The following ACMSD variants were observed in gnomAD, a reference collection of about 807,000 sequenced individuals.
The protein encoded by ACMSD is aminocarboxymuconate semialdehyde decarboxylase, also known as 2-amino-3-carboxymuconate-6-semialdehyde decarboxylase.
A neutral mutation model predicts 45.9 loss-of-function variants in ACMSD; 37 were observed. The ratio of observed to expected loss-of-function variants is 0.81; its 90% CI spans 0.62 to 1.06. The LOEUF is 1.06. ACMSD is among the 50% of genes least tolerant of loss of function. The pLI, the probability that ACMSD is intolerant of heterozygous loss-of-function variation, is 0.00. For missense variants in ACMSD, 434 were observed against 420.9 expected (o/e 1.03, Z -0.27); for synonymous variants, 138 against 148.8 (o/e 0.93, Z 0.53).
Position 134,898,403 on chromosome 2 carries a change from AAT to A in ACMSD, c.914_915del (p.Ile305ArgfsTer7), listed in dbSNP as rs766634613. 1.2e-6 allele frequency: 2 copies of A among 1,602,484 alleles called. No homozygotes were observed. The highest frequency in any genetic ancestry group is 1.1e-5 in the South Asian group (1 of 89,174). ...PLGELEPGKL[I>X]ESMEEFDEET... Reference sequence around the variant, plus strand: ...TAGGTGAGCTGGAACCTGGGAAACTAATAGAGTCCATGGAAGAATTTGATGAA... The same window carrying A: ...TAGGTGAGCTGGAACCTGGGAAACTAAGAGTCCATGGAAGAATTTGATGAA... On this transcript the variant is annotated frameshift_variant, in exon 9 of 10. Transcript: ENST00000356140. LOFTEE classifies it high-confidence loss of function.
chr2:134,877,105 A>C (rs183021816), intron 8 of ACMSD, among the ~76,000 whole-genome samples: 103 of 152,308 alleles, frequency 6.8e-4, no homozygotes, highest in Middle Eastern at 3.4e-3. Flanking sequence ...AGACTGGAAG[A>C]GATAGGTTTG....
chr2:134,849,912 T>C (rs1384792407), intron 2 of ACMSD, among the ~76,000 whole-genome samples: 2 of 151,228 alleles, frequency 1.3e-5, no homozygotes, highest in Non-Finnish European at 2.9e-5. Context: ...TTCAAAGCCA[T>C]AGGTCAACAG....
intron 8 of ACMSD, among the ~76,000 whole-genome samples, chr2:134,885,256 AATAT>A (rs111637739): frequency 2.3e-3 from 248 of 108,782 alleles, no homozygotes; most frequent in African/African-American, 8.7e-3. Flanking sequence ...ATTTATATAT[AATAT>A]ATATATAAAT....
chr2:134,896,137 A>C (rs1210231690), intron 8 of ACMSD, among the ~76,000 whole-genome samples: 1 of 152,214 alleles, frequency 6.6e-6, no homozygotes, highest in Non-Finnish European at 1.5e-5. Context: ...CCTTCTTTAC[A>C]CCATGCAAAT....
chr2:134,873,489 A>G (rs1688572169), intron 8 of ACMSD: 2 of 152,252 alleles, frequency 1.3e-5, no homozygotes, highest in Non-Finnish European at 2.9e-5. Flanking sequence ...TGGGGTTAAA[A>G]GTATATAGAC....
At chr2:134,884,522 T>C (rs1292003208) in intron 8 of ACMSD, among the ~76,000 whole-genome samples, 3 of 152,310 alleles carry the variant, frequency 2.0e-5, no homozygotes, top group African/African-American at 7.2e-5. Flanking sequence ...TTTTAAATAT[T>C]ATGTTGTGTT....
At chr2:134,839,637 C>A (rs1467962229) in intron 1 of ACMSD, among the ~76,000 whole-genome samples, 1 of 152,106 alleles carries the variant, frequency 6.6e-6, no homozygotes, top group Non-Finnish European at 1.5e-5. Flanking sequence ...AAACTATTTT[C>A]TTCTCATAGT....
Position 134,846,119 on chromosome 2 carries a change from C to T in ACMSD, c.102+842C>T, listed in dbSNP as rs533151044. Among the ~76,000 whole-genome samples, 10 of 152,150 alleles carry T rather than the reference C, an allele frequency of 6.6e-5. No homozygotes were observed. In the South Asian group the frequency reaches 1.2e-3, roughly 19 times the overall value. ...TGCCCATCCCACATCTTAAAGCAGG[C>T]AGGGAGGCTTGCCCAGGGAATAAGG... On this transcript the variant is annotated intron_variant, in intron 2 of 9. Transcript: ENST00000356140.
intron 6 of ACMSD, among the ~76,000 whole-genome samples, chr2:134,870,607 G>C (rs1559054246): frequency 6.6e-6 from 1 of 152,180 alleles, no homozygotes; most frequent in Non-Finnish European, 1.5e-5. Flanking sequence ...AGAGCCATTA[G>C]ATAACTTGCC....
chr2:134,867,802 C>T (rs1006883428), intron 6 of ACMSD, 130 bp downstream of exon 6: 12 of 615,040 alleles, frequency 2.0e-5, no homozygotes, highest in Non-Finnish European at 2.8e-5. Flanking sequence ...GCAGCTATCA[C>T]TTACTGAGCT....
chr2:134,890,178 CAACTT>C (rs1376843241), intron 8 of ACMSD, among the ~76,000 whole-genome samples: 5 of 152,006 alleles, frequency 3.3e-5, no homozygotes, highest in Non-Finnish European at 5.9e-5. Context: ...CAGCAAACAC[CAACTT>C]AACTAAATAA....
chr2:134,901,765 A>T, intron 9 of ACMSD, 33 bp from the exon 10 acceptor site: 2 of 1,555,098 alleles, frequency 1.3e-6, no homozygotes, highest in Non-Finnish European at 1.8e-6. Context: ...AAAACAACCA[A>T]TAATGCTTTA....
chr2:134,882,043 G>A, intron 8 of ACMSD, among the ~76,000 whole-genome samples: 1 of 152,130 alleles, frequency 6.6e-6, no homozygotes, highest in Non-Finnish European at 1.5e-5. Flanking sequence ...ACTTGAACCT[G>A]GGAGGTGGAG....
chr2:134,859,980 C>A (rs1428105680), intron 3 of ACMSD, among the ~76,000 whole-genome samples: 1 of 152,160 alleles, frequency 6.6e-6, no homozygotes, highest in African/African-American at 2.4e-5. Flanking sequence ...AACAAGTCCT[C>A]ACAATTTAAA....
chr2:134,864,390 T>C (rs1295817615), intron 5 of ACMSD, among the ~76,000 whole-genome samples: 1 of 152,154 alleles, frequency 6.6e-6, no homozygotes, highest in Non-Finnish European at 1.5e-5. Flanking sequence ...ACATTACCCA[T>C]AATCCAGCCT....
At chr2:134,885,256 A>ATATT (rs1491553854) in intron 8 of ACMSD, among the ~76,000 whole-genome samples, 3 of 108,808 alleles carry the variant, frequency 2.8e-5, no homozygotes, top group African/African-American at 1.1e-4. Context: ...ATTTATATAT[A>ATATT]ATATATATAT....
intron 4 of ACMSD, 46 bp from the exon 5 acceptor site, chr2:134,863,332 GAGTGAATGTCTAAAAGA>G (rs1467365169): frequency 4.9e-5 from 72 of 1,474,684 alleles, no homozygotes; most frequent in Admixed American, 1.5e-4. Flanking sequence ...GCACTGTTCA[GAGTGAATGTCTAAAAGA>G]AGTAGGTTTT....
chr2:134,887,174 TAG>T (rs992689903), intron 8 of ACMSD, among the ~76,000 whole-genome samples: 1 of 152,182 alleles, frequency 6.6e-6, no homozygotes, highest in African/African-American at 2.4e-5. Flanking sequence ...CATTGATCTA[TAG>T]AGTCAATGTA....
At chr2:134,890,482 C>T (rs1050638457) in intron 8 of ACMSD, among the ~76,000 whole-genome samples, 5 of 151,790 alleles carry the variant, frequency 3.3e-5, no homozygotes, top group Admixed American at 6.6e-5. Context: ...ATTAGATCTT[C>T]GACTAAGAAA....
Sources: allele counts gnomAD v4.1 joint callset (sites outside exome capture counted in the v4.1 genomes callset), GRCh38; gene constraint gnomAD v4.1.1; transcripts MANE v1.5; gene names NCBI Gene and HGNC (gene_info 2026-07-23, HGNC 2026-07-21).